The following KANK3 variants were observed in gnomAD, a reference collection of about 807,000 sequenced individuals.
The protein encoded by KANK3 is KN motif and ankyrin repeat domains 3.
Under a neutral mutation model 65.4 loss-of-function variants are expected in KANK3, and 61 were observed. The ratio of observed to expected loss-of-function variants is 0.93; its 90% CI spans 0.76 to 1.15. KANK3 has a LOEUF of 1.15. Among genes scored for constraint, KANK3 ranks in the 50% most tolerant of loss-of-function variants. The pLI is 0.00. For missense variants in KANK3, 1,187 were observed against 1,178.8 expected (o/e 1.01, Z -0.10); for synonymous variants, 586 against 543.3 (o/e 1.08, Z -1.09).
chr19:8,332,262 C>T (rs1003862908), intron 7 of KANK3, among the ~76,000 whole-genome samples: 5 of 152,016 alleles, frequency 3.3e-5, no homozygotes, highest in African/African-American at 1.2e-4. Flanking sequence ...ACTGCAACCT[C>T]TGCCTCCCAG....
rs1370778882 is a variant in KANK3, at chr19:8,333,875, G to A, written c.1634+35C>T. On this transcript the variant is annotated intron_variant, in intron 5 of 10. Coordinates refer to ENST00000330915, the MANE Select transcript of KANK3 (RefSeq NM_198471.3). This position sits in a 1 kb window ranked among gnomAD's most constrained non-coding sequence, Gnocchi z 5.0. ...AGCGCCGACCAGGAGGAGGGCAGCCGCCTCCTCTCCAAACAACTAGCGAGC... is the reference window on the plus strand; with the variant it reads ...AGCGCCGACCAGGAGGAGGGCAGCCACCTCCTCTCCAAACAACTAGCGAGC... 1 of 1,557,850 alleles carries A rather than the reference G, an allele frequency of 6.4e-7. No individual in the cohort carries two copies.
intron 7 of KANK3, among the ~76,000 whole-genome samples, chr19:8,331,588 ATTTG>A (rs1970526525): frequency 6.6e-6 from 1 of 152,000 alleles, no homozygotes; most frequent in African/African-American, 2.4e-5. Flanking sequence ...GTGGACAGCG[ATTTG>A]TTTACCACCC....
At chr19:8,340,124 C>G (rs1412753434) in intron 1 of KANK3, among the ~76,000 whole-genome samples, 1 of 150,220 alleles carries the variant, frequency 6.7e-6, no homozygotes, top group Non-Finnish European at 1.5e-5. Flanking sequence ...TAGCTGGACA[C>G]AATGGTGCAT....
Position 8,333,867 on chromosome 19 carries a change from G to A in KANK3, c.1634+43C>T. 1 of 1,552,606 alleles carries A rather than the reference G, an allele frequency of 6.4e-7. No individual in the cohort carries two copies. The highest frequency in any genetic ancestry group is 8.7e-7 in the Non-Finnish European group (1 of 1,149,594). ...TCGGGGACAGCGCCGACCAGGAGGA[G>A]GGCAGCCGCCTCCTCTCCAAACAAC... On this transcript the variant is annotated intron_variant, in intron 5 of 10. Coordinates refer to ENST00000330915, the MANE Select transcript of KANK3 (RefSeq NM_198471.3). The surrounding 1 kb of genome is among the most constrained non-coding windows in gnomAD (Gnocchi z 5.0).
At chr19:8,334,149 T>C in intron 4 of KANK3, 33 bp from the exon 5 acceptor site, 1 of 1,490,268 alleles carries the variant, frequency 6.7e-7, no homozygotes. Context: ...CTGCTAAACC[T>C]CCCCTGTGGG....
At chr19:8,342,734 C>G (rs1476604427) in intron 1 of KANK3, among the ~76,000 whole-genome samples, 1 of 152,190 alleles carries the variant, frequency 6.6e-6, no homozygotes, top group Non-Finnish European at 1.5e-5. Flanking sequence ...TCATCATCAC[C>G]CGTCCACCCC....
chr19:8,335,130 G>A lies in KANK3; in HGVS notation c.697C>T (p.Pro233Ser). Residue 233 changes from proline (P) to serine (S), a missense_variant, in exon 3 of 11, where the codon CCG becomes TCG. Physicochemically the swap from Pro to Ser is moderately conservative, Grantham distance 74. Transcript: ENST00000330915. ...GGGCGCGTCTCAGCCTCCCCGTCCG[G>A]CTCGGGCTGCGCGCGCCCGGCCAGC... ...RLLAGRAQPEPDGEAETRPDK... is the reference protein window; with the variant it reads ...RLLAGRAQPESDGEAETRPDK... The A allele has an allele frequency of 3.2e-6, 4 of 1,240,638 alleles. No homozygotes were observed. The highest frequency in any genetic ancestry group is 4.0e-6 in the Non-Finnish European group (4 of 994,378). The allele number at this position is 1,240,638 out of a possible 1,614,324, so 76.9% of individuals were successfully genotyped here. A position where few individuals can be genotyped will look rare whatever the true frequency, so the allele number is the denominator to read the frequency against.
intron 7 of KANK3, among the ~76,000 whole-genome samples, chr19:8,328,896 G>C (rs552829499): frequency 3.3e-5 from 5 of 152,092 alleles, no homozygotes; most frequent in Admixed American, 3.3e-4. Flanking sequence ...TGGGCCGAGC[G>C]CGGTGGCTCA....
chr19:8,334,696 C>T lies in KANK3; in HGVS notation c.1131G>A (p.Arg377=). The T allele has an allele frequency of 6.5e-7, 1 of 1,532,650 alleles. No individual in the cohort carries two copies. Among genetic ancestry groups the T allele is most frequent in the Non-Finnish European group, 8.7e-7 (1 of 1,146,108 alleles). 94.9% of individuals were successfully genotyped at this position (1,532,650 alleles called of 1,614,324 possible). ...GVSELLRGRL[R]ELEEAREAAE... ...CAGCCTCGCGGGCTTCCTCCAGCTC[C>T]CGCAACCGGCCCCGCAGAAGCTCAC... Residue 377 remains arginine, a synonymous_variant, in exon 3 of 11, where the codon CGG becomes CGA. Coordinates refer to ENST00000330915, the MANE Select transcript of KANK3 (RefSeq NM_198471.3).
chr19:8,334,375 C>T lies in KANK3; in HGVS notation c.1372G>A (p.Ala458Thr). 6.2e-7 allele frequency: 1 copy of T among 1,614,138 alleles called. No homozygotes were observed. Among genetic ancestry groups the T allele is most frequent in the Admixed American group, 1.7e-5 (1 of 60,024 alleles). The part of the protein sequence containing the change: ...IMKKRDGTPG[A>T]QPSSGPKSLQ... ...CTCTTGGGTCCGGAGCTGGGTTGGG[C>T]ACCAGGTGTGCCGTCTCTCTTCTTC... Residue 458 changes from alanine to threonine, a missense_variant, in exon 4 of 11, where the codon GCC becomes ACC. Transcript: ENST00000330915.
chr19:8,327,613 G>C (rs1970451884), intron 7 of KANK3, among the ~76,000 whole-genome samples: 1 of 152,028 alleles, frequency 6.6e-6, no homozygotes, highest in Non-Finnish European at 1.5e-5. Context: ...CCTGGTGACA[G>C]AGCGACACTC....
At position 8,335,493 on chromosome 19, in the gene KANK3, AG is replaced by A; in HGVS notation, c.333del (p.Ser112ArgfsTer4). 1 of 1,237,596 alleles carries A rather than the reference AG, an allele frequency of 8.1e-7. No individual in the cohort carries two copies. 76.7% of individuals were successfully genotyped at this position (1,237,596 alleles called of 1,614,324 possible). A position where few individuals can be genotyped will look rare whatever the true frequency, so the allele number is the denominator to read the frequency against. The part of the protein sequence containing the change: ...GAPGILSQGA[P>X]SGLLMQPLSP... The stretch of plus-strand genomic sequence containing the variant: ...GACAGCGGCTGCATCAGGAGCCCCG[AG>A]GGCGCGCCCTGGGAGAGTATGCCCG... On this transcript the variant is annotated frameshift_variant, in exon 3 of 11. Transcript: ENST00000330915. LOFTEE classifies it high-confidence loss of function.
intron 7 of KANK3, among the ~76,000 whole-genome samples, chr19:8,326,169 G>A (rs1006555965): frequency 6.6e-6 from 1 of 151,564 alleles, no homozygotes; most frequent in African/African-American, 2.4e-5. Flanking sequence ...ACTGGCTCAC[G>A]TCTGTAATCC....
rs759828291 is a variant in KANK3, at chr19:8,324,764, C to G, written c.2149G>C (p.Ala717Pro). Residue 717 changes from alanine to proline, a missense_variant, in exon 9 of 11, where the codon GCG becomes CCG. Ala to Pro is a conservative substitution (Grantham distance 27, BLOSUM62 -1). This residue lies in a region of KANK3 where 1,078 missense variants were observed against 1,038.2 expected (regional missense o/e 1.04). Transcript: ENST00000330915. ...GRQDMVATLL[A>P]CGADVNAQDA... ...TGCGCATTCACATCAGCCCCACACGCCAGTAGGGTTGCCACCATGTCCTGT... is the reference window on the plus strand; with the variant it reads ...TGCGCATTCACATCAGCCCCACACGGCAGTAGGGTTGCCACCATGTCCTGT... 3 of 1,614,092 alleles carry G rather than the reference C, an allele frequency of 1.9e-6. No individual in the cohort carries two copies. In the South Asian group the frequency reaches 3.3e-5, roughly 18 times the overall value.
At chr19:8,326,489 A>T (rs1054460802) in intron 7 of KANK3, among the ~76,000 whole-genome samples, 2 of 26,970 alleles carry the variant, frequency 7.4e-5, no homozygotes, top group Non-Finnish European at 1.5e-4. Flanking sequence ...TGTAAAAAAA[A>T]AAAAAAAAAA....
rs539012679 is a variant in KANK3 at position 8,326,303 on chromosome 19, C to T, written c.1937-1207G>A. On this transcript the variant is annotated intron_variant, in intron 7 of 10. Coordinates refer to ENST00000330915, the MANE Select transcript of KANK3 (RefSeq NM_198471.3). ...AAATAGCCAGGCGTGGTGGCAGGCA[C>T]CTGTAATCTCAGCTACTCAGGAGGC... Among the ~76,000 whole-genome samples, 8 of 152,134 alleles carry T rather than the reference C, an allele frequency of 5.3e-5. No individual in the cohort carries two copies. The South Asian group carries it at 1.7e-3, about 32-fold the overall frequency.
At chr19:8,324,410 G>T in intron 10 of KANK3, 39 bp downstream of exon 10, 1 of 1,532,842 alleles carries the variant, frequency 6.5e-7, no homozygotes, top group Non-Finnish European at 8.9e-7. Context: ...AACTGAATTT[G>T]CAGCTGGGAA....
In KANK3 at chr19:8,324,783, G is replaced by A; in HGVS notation, c.2130C>T (p.Asp710=). 5 of 1,613,916 alleles carry A rather than the reference G, an allele frequency of 3.1e-6. No individual in the cohort carries two copies. The highest frequency in any genetic ancestry group is 4.2e-6 in the Non-Finnish European group (5 of 1,180,000). Residue 710 remains aspartate (D), a synonymous_variant, in exon 9 of 11, where the codon GAC becomes GAT. Coordinates refer to ENST00000330915, the MANE Select transcript of KANK3 (RefSeq NM_198471.3). ...CACACGCCAGTAGGGTTGCCACCATGTCCTGTCGGCCATGGCTGATGGCCA... is the reference window on the plus strand; with the variant it reads ...CACACGCCAGTAGGGTTGCCACCATATCCTGTCGGCCATGGCTGATGGCCA... ...LMLAISHGRQ[D]MVATLLACGA...
At position 8,335,092 on chromosome 19, in the gene KANK3, G is replaced by T. The variant is rs912694551; in HGVS notation, c.735C>A (p.Ala245=). The stretch of plus-strand genomic sequence containing the variant: ...GGCGCTCGGTGAGCCGCCGCAGCTG[G>T]GCGAGCTTGTCCGGGCGCGTCTCAG... ...GEAETRPDKL[A]QLRRLTERLA... is the part of the protein sequence containing the mutation. The change falls in exon 3 of 11, where the codon GCC becomes GCA. Residue 245 remains alanine, a synonymous_variant. Transcript: ENST00000330915. The T allele has an allele frequency of 5.4e-6, 7 of 1,303,212 alleles. No homozygotes were observed. The highest frequency in any genetic ancestry group is 6.8e-6 in the Non-Finnish European group (7 of 1,030,570). 80.7% of individuals were successfully genotyped at this position (1,303,212 alleles called of 1,614,324 possible). A position where few individuals can be genotyped will look rare whatever the true frequency, so the allele number is the denominator to read the frequency against.
Sources: allele counts gnomAD v4.1 joint callset (sites outside exome capture counted in the v4.1 genomes callset), GRCh38; gene constraint gnomAD v4.1.1; regional missense constraint gnomAD v4.1.1; non-coding constraint Gnocchi (gnomAD v3.1); transcripts MANE v1.5; gene names NCBI Gene and HGNC (gene_info 2026-07-23, HGNC 2026-07-21).